The following PGM3 variants were observed in gnomAD, a reference collection of about 807,000 sequenced individuals.
PGM3 encodes the protein phosphoglucomutase 3.
A neutral mutation model predicts 66.2 loss-of-function variants in PGM3; 40 were observed. The ratio of observed to expected loss-of-function variants is 0.60; its 90% CI spans 0.47 to 0.79. The LOEUF (loss-of-function observed/expected upper bound fraction) is 0.79. PGM3 is among the 30% of genes least tolerant of loss of function. The pLI, the probability that PGM3 is intolerant of heterozygous loss-of-function variation, is 0.00. For synonymous variants in PGM3, 191 were observed against 224.2 expected, an observed-to-expected ratio of 0.85 and a Z score of 1.32; for missense variants, 537 against 643.4, an observed-to-expected ratio of 0.83 and a Z score of 1.79.
rs1017757571 is a variant in PGM3 at position 83,188,092 on chromosome 6, A to G, written c.389+522T>C. Among the ~76,000 whole-genome samples, 4 of 152,352 alleles carry G rather than the reference A, an allele frequency of 2.6e-5. No individual in the cohort carries two copies. The South Asian group carries it at 8.3e-4, about 32-fold the overall frequency. On this transcript the variant is annotated intron_variant, in intron 3 of 12. Coordinates refer to ENST00000513973, the MANE Select transcript of PGM3 (RefSeq NM_015599.3). ...ATGCAAAAGGAAATGCTACTGTTGCAAAGTATACTTTTCATCTAATATTTT... is the reference window on the plus strand; with the variant it reads ...ATGCAAAAGGAAATGCTACTGTTGCGAAGTATACTTTTCATCTAATATTTT...
the PGM3 span, chr6:83,153,920 C>T: frequency 6.2e-7 from 1 of 1,613,142 alleles, no homozygotes; most frequent in South Asian, 1.1e-5. Flanking sequence ...AGTTATCGAG[C>T]TTGTGTCCAG....
At chr6:83,154,090 T>G in the PGM3 span, 1 of 1,612,906 alleles carries the variant, frequency 6.2e-7, no homozygotes. Flanking sequence ...CCTCACAGTC[T>G]GATGAAATCA....
Position 83,166,684 on chromosome 6 carries a change from A to G in PGM3, c.*2550T>C. On this transcript the variant is annotated 3_prime_UTR_variant, in exon 13 of 13. Coordinates refer to ENST00000513973, the MANE Select transcript of PGM3 (RefSeq NM_015599.3). ...ACCGCAATTACGTTTGCACCAACCT[A>G]ATATTTTCCTTTTTCAGGATTTTAC... 8.0e-7 allele frequency: 1 copy of G among 1,249,176 alleles called. No homozygotes were observed. 77.4% of individuals were successfully genotyped at this position (1,249,176 alleles called of 1,614,324 possible).
At chr6:83,174,185 G>A (rs957674807) in intron 10 of PGM3, among the ~76,000 whole-genome samples, 189 bp downstream of exon 10, 4 of 152,170 alleles carry the variant, frequency 2.6e-5, no homozygotes, top group African/African-American at 9.7e-5. Flanking sequence ...GGTAGGGGAA[G>A]GGAAGCATAT....
intron 1 of PGM3, chr6:83,191,324 C>A (rs1218436609): frequency 8.6e-7 from 1 of 1,168,666 alleles, no homozygotes. Flanking sequence ...CCACTCTCAA[C>A]TAAAATGAAG....
chr6:83,183,071 A>G, intron 4 of PGM3, 93 bp from the exon 5 acceptor site: 1 of 1,150,816 alleles, frequency 8.7e-7, no homozygotes, highest in Non-Finnish European at 1.3e-6. Context: ...CAGGGTGACA[A>G]ATCCTTTTGT....
chr6:83,155,815 A>C, the PGM3 span: 1 of 978,344 alleles, frequency 1.0e-6, no homozygotes. Context: ...TGTCTGCCCC[A>C]GAGAGGGGCA....
downstream of PGM3, among the ~76,000 whole-genome samples, chr6:83,157,718 T>C (rs1219607134): frequency 6.6e-6 from 1 of 152,178 alleles, no homozygotes; most frequent in South Asian, 2.1e-4. Flanking sequence ...ATATTACATA[T>C]ACTCACTCTT....
At chr6:83,154,116 A>G in the PGM3 span, 1 of 1,611,614 alleles carries the variant, frequency 6.2e-7, no homozygotes. Flanking sequence ...TCCCCTGGAA[A>G]GTTAGAATAC....
the PGM3 span, chr6:83,152,445 G>A: frequency 6.8e-6 from 4 of 584,690 alleles, no homozygotes; most frequent in Admixed American, 3.6e-5. Flanking sequence ...TTTTTATAGA[G>A]GAATTTCTAA....
chr6:83,187,002 A>G lies in PGM3; in HGVS notation c.457+6T>C, dbSNP rs531975384. The G allele has an allele frequency of 2.7e-6, 4 of 1,496,770 alleles. No homozygotes were observed. In the African/African-American group the frequency reaches 5.5e-5, roughly 21 times the overall value. 92.7% of individuals were successfully genotyped at this position (1,496,770 alleles called of 1,614,324 possible). On this transcript the variant is annotated splice_donor_region_variant and intron_variant, in intron 4 of 12. Coordinates refer to ENST00000513973, the MANE Select transcript of PGM3 (RefSeq NM_015599.3). ...GTTTAATTTCCAACTCAGGATAACTACATACCATGGAATTGACCTCCTAGA... is the reference window on the plus strand; with the variant it reads ...GTTTAATTTCCAACTCAGGATAACTGCATACCATGGAATTGACCTCCTAGA...
At position 83,167,026 on chromosome 6, in the gene PGM3, G is replaced by A; in HGVS notation, c.*2208C>T. On this transcript the variant is annotated 3_prime_UTR_variant, in exon 13 of 13. Coordinates refer to ENST00000513973, the MANE Select transcript of PGM3 (RefSeq NM_015599.3). ...TCTTTCTCTAGACAGAATGATGTCT[G>A]TAGCTGTGTTTGTGTAATTCAGGTG... 5.1e-6 allele frequency: 5 copies of A among 985,248 alleles called. No homozygotes were observed. The highest frequency in any genetic ancestry group is 6.0e-6 in the Non-Finnish European group (5 of 829,746). The allele number at this position is 985,248 out of a possible 1,614,324, so 61.0% of individuals were successfully genotyped here. A position where few individuals can be genotyped will look rare whatever the true frequency, so the allele number is the denominator to read the frequency against.
Position 83,170,287 on chromosome 6 carries a change from AG to A in PGM3, c.1539+17del. On this transcript the variant is annotated intron_variant, in intron 12 of 12. Coordinates refer to ENST00000513973, the MANE Select transcript of PGM3 (RefSeq NM_015599.3). ...ACCTAATATTAGGCTCTTTTTCAATAGAACTATCCCAGCTTACTTGTGAGTC... is the reference window on the plus strand; with the variant it reads ...ACCTAATATTAGGCTCTTTTTCAATAAACTATCCCAGCTTACTTGTGAGTC... The A allele has an allele frequency of 1.2e-6, 2 of 1,611,590 alleles. No individual in the cohort carries two copies. Among genetic ancestry groups the A allele is most frequent in the Non-Finnish European group, 1.7e-6 (2 of 1,178,352 alleles).
intron 8 of PGM3, 85 bp from the exon 9 acceptor site, chr6:83,176,145 G>C (rs939109775): frequency 2.6e-6 from 2 of 782,840 alleles, no homozygotes; most frequent in African/African-American, 3.4e-5. Flanking sequence ...AGATACAAAG[G>C]GGAACAAAAT....
chr6:83,170,814 A>G (rs1786934068), intron 11 of PGM3: 1 of 178,876 alleles, frequency 5.6e-6, no homozygotes, highest in Non-Finnish European at 1.2e-5. Flanking sequence ...AGAATTTCTT[A>G]AATATGCCAA....
intron 4 of PGM3, among the ~76,000 whole-genome samples, chr6:83,183,745 A>C (rs1480721892): frequency 2.0e-5 from 3 of 151,056 alleles, no homozygotes; most frequent in Admixed American, 6.6e-5. Context: ...TTTTTTTTTG[A>C]GACGGAGTTT....
At chr6:83,157,384 G>A, downstream of PGM3, 2 of 1,515,630 alleles carry the variant, frequency 1.3e-6, no homozygotes, top group Non-Finnish European at 1.8e-6. Flanking sequence ...GTTTCCATGT[G>A]CTTACTAGAT....
downstream of PGM3, chr6:83,157,102 A>G: frequency 7.3e-7 from 1 of 1,374,782 alleles, no homozygotes; most frequent in South Asian, 1.4e-5. Flanking sequence ...AGATAGTTTG[A>G]GAGTACTGGA....
chr6:83,192,109 T>C (rs1159539712), intron 1 of PGM3, among the ~76,000 whole-genome samples: 1 of 150,876 alleles, frequency 6.6e-6, no homozygotes, highest in Non-Finnish European at 1.5e-5. Flanking sequence ...CTACTAAAAA[T>C]ACAAAAAGTA....
Sources: allele counts gnomAD v4.1 joint callset (sites outside exome capture counted in the v4.1 genomes callset), GRCh38; gene constraint gnomAD v4.1.1; transcripts MANE v1.5; gene names NCBI Gene and HGNC (gene_info 2026-07-23, HGNC 2026-07-21).